RAD51B: variants seen among roughly 807,000 people sequenced by gnomAD.
RAD51B encodes the protein RAD51 paralog B, also known as DNA repair protein RAD51 homolog 2.
Under a neutral mutation model 42.2 loss-of-function variants are expected in RAD51B, and 38 were observed. The ratio of observed to expected loss-of-function variants is 0.90; its 90% CI spans 0.70 to 1.18. RAD51B has a LOEUF of 1.18. Among genes scored for constraint, RAD51B ranks in the 50% most tolerant of loss-of-function variants. The pLI is 0.00. For synonymous variants in RAD51B, 154 were observed against 145.2 expected (o/e 1.06, Z -0.43); for missense variants, 373 against 400.7 (o/e 0.93, Z 0.59).
intron 7 of RAD51B, among the ~76,000 whole-genome samples, chr14:68,202,512 C>T (rs922399938): frequency 6.6e-6 from 1 of 150,790 alleles, no homozygotes; most frequent in African/African-American, 2.4e-5. Flanking sequence ...ACAGCACCTT[C>T]ACCAGGAGTA....
chr14:68,265,078 A>C (rs553944233), intron 7 of RAD51B, among the ~76,000 whole-genome samples: 3 of 152,336 alleles, frequency 2.0e-5, no homozygotes, highest in African/African-American at 7.2e-5. Context: ...TTGGCTTCCT[A>C]TCCTGTATCC....
At chr14:67,873,949 GA>G (rs2042636128) in intron 5 of RAD51B, among the ~76,000 whole-genome samples, 1 of 136,600 alleles carries the variant, frequency 7.3e-6, no homozygotes, top group Non-Finnish European at 1.6e-5. Context: ...GGGGTAGGGG[GA>G]GGGGGGAGGG....
chr14:68,181,520 T>C (rs2079060930), intron 7 of RAD51B, among the ~76,000 whole-genome samples: 1 of 152,202 alleles, frequency 6.6e-6, no homozygotes, highest in Non-Finnish European at 1.5e-5. Flanking sequence ...CATTTGGTAA[T>C]TGGAGATATT....
chr14:68,027,017 T>G (rs1336948578), intron 7 of RAD51B, among the ~76,000 whole-genome samples: 2 of 152,222 alleles, frequency 1.3e-5, no homozygotes, highest in Non-Finnish European at 2.9e-5. Flanking sequence ...CTTATAGGCC[T>G]CTTATAAGGC....
intron 7 of RAD51B, among the ~76,000 whole-genome samples, chr14:68,268,213 T>G (rs1045733373): frequency 3.9e-5 from 6 of 152,218 alleles, no homozygotes; most frequent in Non-Finnish European, 8.8e-5. Flanking sequence ...CCTGCTTATT[T>G]TTCTTGAATG....
At chr14:68,561,750 A>G (rs1889160327) in intron 10 of RAD51B, among the ~76,000 whole-genome samples, 1 of 152,208 alleles carries the variant, frequency 6.6e-6, no homozygotes, top group African/African-American at 2.4e-5. Context: ...AAATGGCATC[A>G]TTCTGAGACG....
chr14:68,239,382 C>T (rs1275644992), intron 7 of RAD51B, among the ~76,000 whole-genome samples: 1 of 152,216 alleles, frequency 6.6e-6, no homozygotes, highest in African/African-American at 2.4e-5. Context: ...ACTTACAACC[C>T]TGCTTTCTGC....
chr14:68,323,005 C>G (rs2082184413), intron 8 of RAD51B, among the ~76,000 whole-genome samples: 1 of 152,194 alleles, frequency 6.6e-6, no homozygotes, highest in African/African-American at 2.4e-5. Context: ...ATGAGAATTT[C>G]AAAAGGCGAA....
chr14:68,242,774 T>G (rs1262311984), intron 7 of RAD51B, among the ~76,000 whole-genome samples: 1 of 152,230 alleles, frequency 6.6e-6, no homozygotes, highest in African/African-American at 2.4e-5. Context: ...GAAGATATTA[T>G]TATTATCAGT....
chr14:67,977,373 T>C (rs1359627393), intron 7 of RAD51B, among the ~76,000 whole-genome samples: 1 of 152,358 alleles, frequency 6.6e-6, no homozygotes, highest in South Asian at 2.1e-4. Context: ...CTACATTTTA[T>C]TATTTTCCTG....
chr14:68,102,489 G>C (rs1595399631), intron 7 of RAD51B, among the ~76,000 whole-genome samples: 1 of 152,132 alleles, frequency 6.6e-6, no homozygotes, highest in African/African-American at 2.4e-5. Flanking sequence ...AGCATAACAA[G>C]AGTCAACTTT....
At chr14:68,151,255 T>TTC (rs1279936209) in intron 7 of RAD51B, among the ~76,000 whole-genome samples, 1 of 151,930 alleles carries the variant, frequency 6.6e-6, no homozygotes. Flanking sequence ...CTTTTATTGT[T>TTC]TCTGACTAGA....
At chr14:68,172,926 G>T (rs929281857) in intron 7 of RAD51B, among the ~76,000 whole-genome samples, 14 of 152,138 alleles carry the variant, frequency 9.2e-5, no homozygotes, top group Admixed American at 8.5e-4. Context: ...TCTTATTATT[G>T]AGTGTAGGGA....
At chr14:68,119,233 A>G (rs1292705646) in intron 7 of RAD51B, among the ~76,000 whole-genome samples, 3 of 149,544 alleles carry the variant, frequency 2.0e-5, no homozygotes, top group African/African-American at 7.4e-5. Context: ...GGGTCTCACC[A>G]TGTTGTCCAG....
downstream of RAD51B, among the ~76,000 whole-genome samples, chr14:68,478,274 T>C (rs1882880556): frequency 6.6e-6 from 1 of 152,104 alleles, no homozygotes; most frequent in Non-Finnish European, 1.5e-5. Flanking sequence ...AAGTGGAGCA[T>C]GTATGGTATT....
intron 10 of RAD51B, among the ~76,000 whole-genome samples, chr14:68,533,724 T>C (rs1368170779): frequency 6.6e-6 from 1 of 152,006 alleles, no homozygotes; most frequent in Non-Finnish European, 1.5e-5. Context: ...AACTTTACTA[T>C]GGAAAAAAAA....
At chr14:68,570,606 AG>A (rs1459787898) in intron 10 of RAD51B, among the ~76,000 whole-genome samples, 2 of 152,160 alleles carry the variant, frequency 1.3e-5, no homozygotes, top group Non-Finnish European at 2.9e-5. Flanking sequence ...CTGAGCCAGG[AG>A]GGGGGTCCAG....
At chr14:68,619,461 C>A (rs1368110505) in intron 10 of RAD51B, among the ~76,000 whole-genome samples, 363 of 123,288 alleles carry the variant, frequency 2.9e-3, no homozygotes, top group Middle Eastern at 8.5e-3. Context: ...GACTCCATCT[C>A]AAAAAAAAAA....
At chr14:68,531,966 C>CAG (rs1326171808) in intron 10 of RAD51B, among the ~76,000 whole-genome samples, 12 of 152,148 alleles carry the variant, frequency 7.9e-5, no homozygotes, top group Admixed American at 7.9e-4. Context: ...ACCTGGGTGA[C>CAG]AGAGAGAGAC....
Sources: allele counts gnomAD v4.1 joint callset (sites outside exome capture counted in the v4.1 genomes callset), GRCh38; gene constraint gnomAD v4.1.1; transcripts MANE v1.5; gene names NCBI Gene and HGNC (gene_info 2026-07-23, HGNC 2026-07-21).